POLR1C: variants seen among roughly 807,000 people sequenced by gnomAD.
POLR1C encodes RNA polymerase I and III subunit C.
A neutral mutation model predicts 38.3 loss-of-function variants in POLR1C; 42 were observed. The ratio of observed to expected loss-of-function variants is 1.10; its 90% confidence interval spans 0.86 to 1.42. The LOEUF (loss-of-function observed/expected upper bound fraction) is 1.42, where lower values mean the gene tolerates loss of function less well. POLR1C is among the 40% of genes most tolerant of loss of function. The probability of loss-of-function intolerance (pLI) is 0.00; values close to 1 mark genes in which losing one functional copy is unlikely to be tolerated. For missense variants in POLR1C, 507 were observed against 450.5 expected, an observed-to-expected ratio of 1.13 and a Z score of -1.14; for synonymous variants, 163 against 163.9, an observed-to-expected ratio of 0.99 and a Z score of 0.04.
chr6:43,551,422 A>G lies in POLR1C; in HGVS notation c.*48+411A>G, dbSNP rs762075661. 5.6e-6 allele frequency: 9 copies of G among 1,613,984 alleles called. No individual in the cohort carries two copies. In the South Asian group the frequency reaches 9.9e-5, roughly 18 times the overall value. On this transcript the variant is annotated intron_variant, in intron 10 of 10. Coordinates refer to the POLR1C transcript ENST00000607635. Reference sequence around the variant, plus strand: ...GGTATCAAAGTTCAGAACCATCTGCAATAGCTCTATTCCATCATTAACAGG... The same window carrying G: ...GGTATCAAAGTTCAGAACCATCTGCGATAGCTCTATTCCATCATTAACAGG...
At chr6:43,544,530 T>C (rs1279118346) in intron 9 of POLR1C, among the ~76,000 whole-genome samples, 1 of 152,262 alleles carries the variant, frequency 6.6e-6, no homozygotes, top group Non-Finnish European at 1.5e-5. Flanking sequence ...ACATAGATTC[T>C]GGCCACAGGC....
chr6:43,531,415 A>G, downstream of POLR1C: 5 of 1,477,418 alleles, frequency 3.4e-6, no homozygotes, highest in East Asian at 2.3e-5. Context: ...AGTCCAACCC[A>G]TGGACATTCC....
intron 2 of POLR1C, among the ~76,000 whole-genome samples, chr6:43,518,112 C>T (rs1792935900): frequency 1.3e-5 from 2 of 151,812 alleles, no homozygotes; most frequent in South Asian, 4.2e-4. Context: ...TGAAGTGTGT[C>T]TTGGGCACTG....
At chr6:43,526,069 A>G, downstream of POLR1C, 1 of 730,560 alleles carries the variant, frequency 1.4e-6, no homozygotes, top group Admixed American at 2.5e-5. Context: ...CCACCTCCAC[A>G]TAATGCCCAT....
chr6:43,518,946 C>A (rs2127688564), intron 2 of POLR1C, among the ~76,000 whole-genome samples: 1 of 152,274 alleles, frequency 6.6e-6, no homozygotes, highest in African/African-American at 2.4e-5. Context: ...TCCCAGAGTG[C>A]TGGGATTACA....
intron 10 of POLR1C, chr6:43,560,815 G>T: frequency 1.1e-6 from 1 of 918,732 alleles, no homozygotes; most frequent in Non-Finnish European, 1.8e-6. Flanking sequence ...ATTCCCCAAG[G>T]CCTGAAGAGT....
chr6:43,561,788 T>G (rs1010941383), exon 11 of POLR1C: 2 of 154,664 alleles, frequency 1.3e-5, no homozygotes, highest in African/African-American at 2.4e-5. Flanking sequence ...TCTTCCAACT[T>G]ATAAGACTGA....
downstream of POLR1C, chr6:43,525,712 G>A (rs1214774419): frequency 2.0e-6 from 2 of 1,013,716 alleles, no homozygotes; most frequent in Non-Finnish European, 2.8e-6. Flanking sequence ...GGGGCCTTTG[G>A]AACCAGGAAC....
At chr6:43,537,724 AG>A (rs901326542) in intron 9 of POLR1C, among the ~76,000 whole-genome samples, 1 of 152,190 alleles carries the variant, frequency 6.6e-6, no homozygotes, top group Non-Finnish European at 1.5e-5. Flanking sequence ...AAATTTCACC[AG>A]GGGAAACTCT....
At chr6:43,519,660 G>A (rs753022922) in intron 3 of POLR1C, 46 bp from the exon 4 acceptor site, 12 of 1,613,870 alleles carry the variant, frequency 7.4e-6, no homozygotes, top group Non-Finnish European at 1.0e-5. Flanking sequence ...ATAGGTAGGG[G>A]GTCTGTTGGG....
In POLR1C at chr6:43,542,102, GTAT is replaced by G. The variant is rs113916492; in HGVS notation, c.*5-8864_*5-8862del. On this transcript the variant is annotated intron_variant, in intron 9 of 10. Coordinates refer to the POLR1C transcript ENST00000607635. ...CCGGCCGATTTTAGAAATCTAGTGT[GTAT>G]TTTATACTTACAGTTCATCTCAATT... is the stretch of plus-strand genomic sequence containing the variant. Among the ~76,000 whole-genome samples, 57 of 152,066 alleles carry G rather than the reference GTAT, an allele frequency of 3.7e-4. 1 individual carries two copies. Among genetic ancestry groups the G allele is most frequent in the Middle Eastern group, 3.4e-3 (1 of 292 alleles).
chr6:43,534,372 T>C (rs1794184206), downstream of POLR1C, among the ~76,000 whole-genome samples: 3 of 152,140 alleles, frequency 2.0e-5, no homozygotes, highest in African/African-American at 7.2e-5. Context: ...GATTTACAGG[T>C]AGGAACACAG....
chr6:43,521,571 C>T (rs1018740922), downstream of POLR1C: 5 of 849,028 alleles, frequency 5.9e-6, no homozygotes, highest in Non-Finnish European at 8.0e-6. Flanking sequence ...GTTGCCCAGG[C>T]TGGAGTGCAG....
At chr6:43,546,850 A>C in intron 9 of POLR1C, 1 of 1,159,574 alleles carries the variant, frequency 8.6e-7, no homozygotes, top group South Asian at 1.7e-5. Flanking sequence ...AAAGTGACAC[A>C]GAGGCCAGAG....
intron 9 of POLR1C, chr6:43,548,315 AG>A (rs1795063237): frequency 6.2e-7 from 1 of 1,613,380 alleles, no homozygotes; most frequent in Non-Finnish European, 8.5e-7. Flanking sequence ...CAGCTCCTCT[AG>A]GAACACCTTC....
chr6:43,558,248 G>A (rs1337893874), intron 10 of POLR1C, among the ~76,000 whole-genome samples: 1 of 152,154 alleles, frequency 6.6e-6, no homozygotes, highest in African/African-American at 2.4e-5. Flanking sequence ...AAAGTCAAGA[G>A]CGTCTTAAGT....
At chr6:43,538,127 C>G (rs1458474430) in intron 9 of POLR1C, among the ~76,000 whole-genome samples, 1 of 137,164 alleles carries the variant, frequency 7.3e-6, no homozygotes, top group Non-Finnish European at 1.5e-5. Context: ...AAATTTAGAG[C>G]CTAAGAGACA....
intron 10 of POLR1C, among the ~76,000 whole-genome samples, chr6:43,552,829 C>T (rs1188819781): frequency 6.6e-5 from 10 of 152,208 alleles, no homozygotes; most frequent in African/African-American, 1.4e-4. Context: ...ATACTGGTGG[C>T]GTACAGTATT....
At chr6:43,523,659 T>C (rs529849715), downstream of POLR1C, 1 of 849,136 alleles carries the variant, frequency 1.2e-6, no homozygotes, top group Non-Finnish European at 2.1e-6. Context: ...GACAGAATAG[T>C]TTAAGCCCTA....
Sources: allele counts gnomAD v4.1 joint callset (sites outside exome capture counted in the v4.1 genomes callset), GRCh38; gene constraint gnomAD v4.1.1; transcripts MANE v1.5; gene names NCBI Gene and HGNC (gene_info 2026-07-23, HGNC 2026-07-21).